RSF1: variants seen among roughly 807,000 people sequenced by gnomAD.
The protein encoded by RSF1 is remodeling and spacing factor 1.
In RSF1, 13 loss-of-function variants were observed where a neutral mutation model predicts 145.2. The observed-to-expected ratio is 0.09, with a 90% confidence interval of 0.06 to 0.14. The LOEUF is 0.14. RSF1 is among the 10% of genes least tolerant of loss of function. RSF1 has a pLI of 1.00. For missense variants in RSF1, 1,517 were observed against 1,718.2 expected (o/e 0.88, Z 2.07); for synonymous variants, 577 against 592.6 (o/e 0.97, Z 0.38).
the RSF1 span, among the ~76,000 whole-genome samples, chr11:77,852,743 T>C: frequency 1.3e-5 from 2 of 152,136 alleles, no homozygotes; most frequent in South Asian, 4.1e-4. Context: ...AATACAAAAA[T>C]ACATATATAA....
chr11:77,739,617 T>G (rs1961457873), intron 4 of RSF1: 1 of 152,224 alleles, frequency 6.6e-6, no homozygotes, highest in Non-Finnish European at 1.5e-5. Flanking sequence ...AAATAATCAC[T>G]AAGAGAAATC....
chr11:77,805,278 G>C (rs1330705522), intron 1 of RSF1, among the ~76,000 whole-genome samples: 2 of 152,032 alleles, frequency 1.3e-5, no homozygotes, highest in Non-Finnish European at 2.9e-5. Flanking sequence ...AGACCAGCCC[G>C]GCCTACATGG....
At chr11:77,687,352 T>C (rs1960036749) in intron 9 of RSF1, among the ~76,000 whole-genome samples, 1 of 152,186 alleles carries the variant, frequency 6.6e-6, no homozygotes, top group Non-Finnish European at 1.5e-5. Context: ...GAGAACTTAG[T>C]GTATGATATA....
In RSF1 at chr11:77,702,218, T is replaced by G. The variant is rs760083042; in HGVS notation, c.1011A>C (p.Lys337Asn). 1 of 1,613,980 alleles carries G rather than the reference T, an allele frequency of 6.2e-7. No individual in the cohort carries two copies. The highest frequency in any genetic ancestry group is 8.5e-7 in the Non-Finnish European group (1 of 1,179,972). The change falls in exon 6 of 16, where the codon AAA becomes AAC. Residue 337 changes from lysine (K) to asparagine (N), a missense_variant. Around this residue, in one of 12 missense-constraint regions of RSF1, gnomAD observed 207 missense variants for 191.4 expected, o/e 1.08. Transcript: ENST00000308488. The part of the protein sequence containing the change: ...KECRADPKDT[K>N]SSMEKPVAQE... ...GTGCCACTGGCTTCTCCATGCTACT[T>G]TTGGTATCTTTAGGATCTGCTCTAC...
chr11:77,763,574 T>A (rs975658665), intron 2 of RSF1: 1 of 152,124 alleles, frequency 6.6e-6, no homozygotes, highest in South Asian at 2.1e-4. Flanking sequence ...TATTTTAAAG[T>A]TGAGATAATG....
At chr11:77,742,326 C>T (rs1018058349) in intron 3 of RSF1, among the ~76,000 whole-genome samples, 1 of 152,074 alleles carries the variant, frequency 6.6e-6, no homozygotes, top group Non-Finnish European at 1.5e-5. Context: ...TGTCACCAGG[C>T]TGGAGTGCAG....
At position 77,768,453 on chromosome 11, in the gene RSF1, G is replaced by A. The variant is rs117873631; in HGVS notation, c.188-3764C>T. Among the ~76,000 whole-genome samples the A allele has an allele frequency of 7.6e-4, 115 of 152,182 alleles. 1 individual carries two copies. The East Asian group carries it at 0.017, about 23-fold the overall frequency. On this transcript the variant is annotated intron_variant, in intron 1 of 15. Transcript: ENST00000308488. ...GGGATTACAGGTGTTGAGCCACTGC[G>A]CCCGGCCAATCACTATTTTTAAAGT...
intron 5 of RSF1, among the ~76,000 whole-genome samples, chr11:77,717,293 CCA>C (rs1349729677): frequency 1.3e-5 from 2 of 151,948 alleles, no homozygotes; most frequent in Non-Finnish European, 2.9e-5. Flanking sequence ...GAACTTTGGT[CCA>C]CAGAGTTGAT....
At chr11:77,742,931 T>C (rs1452255191) in intron 3 of RSF1, among the ~76,000 whole-genome samples, 4 of 152,220 alleles carry the variant, frequency 2.6e-5, no homozygotes, top group African/African-American at 9.6e-5. Flanking sequence ...TGGTGTAAGA[T>C]AAGGGTCTAA....
the RSF1 span, among the ~76,000 whole-genome samples, chr11:77,828,832 T>C: frequency 6.6e-6 from 1 of 152,200 alleles, no homozygotes; most frequent in Admixed American, 6.5e-5. Context: ...TCACTCTCCA[T>C]CAAAATTCCA....
At chr11:77,833,065 G>C in the RSF1 span, among the ~76,000 whole-genome samples, 1 of 137,630 alleles carries the variant, frequency 7.3e-6, no homozygotes, top group Non-Finnish European at 1.5e-5. Context: ...AGGCTGGAGT[G>C]CAATGGCAGA....
intron 4 of RSF1, among the ~76,000 whole-genome samples, chr11:77,733,157 A>G (rs2135898276): frequency 6.6e-6 from 1 of 152,338 alleles, no homozygotes; most frequent in South Asian, 2.1e-4. Context: ...AAACTTTCCC[A>G]AAGTGGTTGT....
intron 8 of RSF1, 65 bp from the exon 9 acceptor site, chr11:77,691,303 G>C: frequency 7.2e-7 from 1 of 1,393,088 alleles, no homozygotes; most frequent in Non-Finnish European, 1.0e-6. Flanking sequence ...TTACATACAT[G>C]TTAACTTCAT....
chr11:77,754,729 G>C (rs1462150071), intron 2 of RSF1, among the ~76,000 whole-genome samples: 2 of 152,056 alleles, frequency 1.3e-5, no homozygotes, highest in Non-Finnish European at 2.9e-5. Flanking sequence ...AGGTGACAGT[G>C]AGACCCTGTG....
rs765769036 is a variant in RSF1 at position 77,667,375 on chromosome 11, C to T, written c.3868G>A (p.Glu1290Lys). Residue 1290 changes from glutamate to lysine, a missense_variant, in exon 16 of 16, where the codon GAA (glutamate) becomes AAA (lysine). Glu to Lys is a moderately conservative substitution (Grantham distance 56, BLOSUM62 1). Coordinates refer to ENST00000308488, the MANE Select transcript of RSF1 (RefSeq NM_016578.4). ...TTGCGGGATGGTTTGCCTTCCTCTT[C>T]CTCCTCCTCCTCATCTGCTTCTGAA... ...EYSEADEEEE[E>K]EEGKPSRKRL... is the part of the protein sequence containing the mutation. The T allele has an allele frequency of 1.9e-6, 3 of 1,605,884 alleles. No homozygotes were observed. Among genetic ancestry groups the T allele is most frequent in the Non-Finnish European group, 2.6e-6 (3 of 1,173,974 alleles).
the RSF1 span, among the ~76,000 whole-genome samples, chr11:77,849,503 C>T: frequency 2.0e-5 from 3 of 152,144 alleles, no homozygotes; most frequent in East Asian, 5.8e-4. Flanking sequence ...GGATTATTGG[C>T]GTGAGCCACT....
At chr11:77,712,091 C>T (rs928740123) in intron 5 of RSF1, among the ~76,000 whole-genome samples, 1 of 152,184 alleles carries the variant, frequency 6.6e-6, no homozygotes, top group Non-Finnish European at 1.5e-5. Context: ...TACATGATGT[C>T]AATATACCTG....
At chr11:77,732,473 T>C (rs1448421258) in intron 4 of RSF1, among the ~76,000 whole-genome samples, 3 of 152,182 alleles carry the variant, frequency 2.0e-5, no homozygotes, top group Non-Finnish European at 4.4e-5. Context: ...TATGAGGACA[T>C]GAGATTTAGG....
At chr11:77,797,139 C>T (rs1485004578) in intron 1 of RSF1, among the ~76,000 whole-genome samples, 2 of 152,190 alleles carry the variant, frequency 1.3e-5, no homozygotes, top group Non-Finnish European at 2.9e-5. Flanking sequence ...TGACTTTCTT[C>T]ACAGAATTGG....
Sources: gnomAD v4.1 joint callset for allele counts (sites outside exome capture counted in the v4.1 genomes callset) on GRCh38, gnomAD v4.1.1 for gene constraint, gnomAD v4.1.1 regional missense constraint, MANE v1.5 for transcripts, NCBI Gene and HGNC (gene_info 2026-07-23, HGNC 2026-07-21) for gene names.